NALF1: variants seen among roughly 807,000 people sequenced by gnomAD.
NALF1 encodes the protein family with sequence similarity 155 member A.
In NALF1, 3 loss-of-function variants were observed where a neutral mutation model predicts 48.4. The observed-to-expected ratio is 0.06, with a 90% CI of 0.03 to 0.16. The LOEUF (loss-of-function observed/expected upper bound fraction) is 0.16, where lower values mean the gene tolerates loss of function less well. Among genes scored for constraint, NALF1 ranks in the 10% least tolerant of loss-of-function variants. The pLI, the probability that NALF1 is intolerant of heterozygous loss-of-function variation, is 1.00. For synonymous variants in NALF1, 262 were observed against 245.7 expected, an observed-to-expected ratio of 1.07 and a Z score of -0.62; for missense variants, 526 against 571.5, an observed-to-expected ratio of 0.92 and a Z score of 0.81.
At chr13:107,740,185 T>C (rs986257172) in intron 1 of NALF1, among the ~76,000 whole-genome samples, 3 of 152,208 alleles carry the variant, frequency 2.0e-5, no homozygotes, top group African/African-American at 7.2e-5. Context: ...AATATATACA[T>C]TGCACAATTT....
At chr13:107,258,924 ATG>A (rs1176126644) in intron 1 of NALF1, among the ~76,000 whole-genome samples, 1 of 152,160 alleles carries the variant, frequency 6.6e-6, no homozygotes, top group African/African-American at 2.4e-5. Context: ...ATGAAACAGG[ATG>A]TGTGGCTCCC....
chr13:107,533,166 C>G (rs1223476337), intron 1 of NALF1, among the ~76,000 whole-genome samples: 1 of 151,986 alleles, frequency 6.6e-6, no homozygotes, highest in African/African-American at 2.4e-5. Flanking sequence ...TTGCCCCTTT[C>G]TTTTTTCTCT....
At chr13:107,533,991 G>A (rs1386701514) in intron 1 of NALF1, among the ~76,000 whole-genome samples, 2 of 152,066 alleles carry the variant, frequency 1.3e-5, no homozygotes, top group Admixed American at 6.6e-5. Context: ...ATCCTGCAAA[G>A]AGGAAAATTA....
rs1404646777 is a variant in NALF1, at chr13:107,163,760, T to C, written c.*6737A>G. Reference sequence around the variant, plus strand: ...GAGTTTATACAGTCCTTCCTACTTTTAATATGCCACACAACATCAACAAAT... The same window carrying C: ...GAGTTTATACAGTCCTTCCTACTTTCAATATGCCACACAACATCAACAAAT... On this transcript the variant is annotated 3_prime_UTR_variant, in exon 3 of 3. Coordinates refer to ENST00000375915, the MANE Select transcript of NALF1 (RefSeq NM_001080396.3). 2 of 152,168 alleles carry C rather than the reference T, an allele frequency of 1.3e-5. No individual in the cohort carries two copies. The highest frequency in any genetic ancestry group is 2.9e-5 in the Non-Finnish European group (2 of 68,034). 9.4% of individuals were successfully genotyped at this position (152,168 alleles called of 1,614,324 possible).
rs1878758990 is a variant in NALF1, at chr13:107,169,905, G to A, written c.*592C>T. On this transcript the variant is annotated 3_prime_UTR_variant, in exon 3 of 3. Coordinates refer to ENST00000375915, the MANE Select transcript of NALF1 (RefSeq NM_001080396.3). Reference sequence around the variant, plus strand: ...GCGAGGGAAAGGAAAGGCCGGGAAGGGTGTTGTTGGTTCTGTGGGTAGAAG... The same window carrying A: ...GCGAGGGAAAGGAAAGGCCGGGAAGAGTGTTGTTGGTTCTGTGGGTAGAAG... 1 of 152,612 alleles carries A rather than the reference G, an allele frequency of 6.6e-6. No individual in the cohort carries two copies. Among genetic ancestry groups the A allele is most frequent in the Non-Finnish European group, 1.5e-5 (1 of 68,092 alleles). 9.5% of individuals were successfully genotyped at this position (152,612 alleles called of 1,614,324 possible). A position where few individuals can be genotyped will look rare whatever the true frequency, so the allele number is the denominator to read the frequency against.
chr13:107,398,937 A>C (rs1342143505), intron 1 of NALF1, among the ~76,000 whole-genome samples: 2 of 152,298 alleles, frequency 1.3e-5, no homozygotes, highest in African/African-American at 4.8e-5. Flanking sequence ...AAAGATTATA[A>C]GGAGCTTCCG....
intron 1 of NALF1, among the ~76,000 whole-genome samples, chr13:107,513,589 TA>T (rs141077862): frequency 0.048 from 7,265 of 152,108 alleles, 256 homozygotes; most frequent in Non-Finnish European, 0.069. Flanking sequence ...GTAAACGTAA[TA>T]ATAGAAAGCA....
chr13:107,363,871 G>T (rs752039791), intron 1 of NALF1, among the ~76,000 whole-genome samples: 4 of 152,150 alleles, frequency 2.6e-5, no homozygotes, highest in Admixed American at 1.3e-4. Context: ...ACCTTCTCAA[G>T]AAATGGCAAG....
intron 1 of NALF1, among the ~76,000 whole-genome samples, chr13:107,743,464 G>C (rs1876695990): frequency 6.6e-6 from 1 of 152,168 alleles, no homozygotes; most frequent in African/African-American, 2.4e-5. Flanking sequence ...GTAATAAAGG[G>C]AATAAGAATG....
At chr13:107,320,032 T>C (rs1232678301) in intron 1 of NALF1, among the ~76,000 whole-genome samples, 1 of 152,132 alleles carries the variant, frequency 6.6e-6, no homozygotes, top group Non-Finnish European at 1.5e-5. Flanking sequence ...GCACCAGTTA[T>C]AAACTTCAAG....
At chr13:107,385,467 C>A (rs547422524) in intron 1 of NALF1, among the ~76,000 whole-genome samples, 2 of 148,486 alleles carry the variant, frequency 1.3e-5, no homozygotes, top group South Asian at 4.3e-4. Context: ...GCAGGAGAAT[C>A]ACTTGAACCC....
intron 1 of NALF1, among the ~76,000 whole-genome samples, chr13:107,496,101 G>A (rs1875325390): frequency 6.6e-6 from 1 of 152,002 alleles, no homozygotes; most frequent in African/African-American, 2.4e-5. Flanking sequence ...AAGCTAAACT[G>A]TTCTTTCTCA....
intron 1 of NALF1, among the ~76,000 whole-genome samples, chr13:107,273,767 T>C (rs1450007560): frequency 6.6e-6 from 1 of 152,188 alleles, no homozygotes; most frequent in Admixed American, 6.5e-5. Context: ...CTGGTATCCA[T>C]AGAACAGAAC....
At chr13:107,518,040 C>T (rs1167070552) in intron 1 of NALF1, among the ~76,000 whole-genome samples, 1 of 152,066 alleles carries the variant, frequency 6.6e-6, no homozygotes, top group African/African-American at 2.4e-5. Flanking sequence ...CCCATGAGTC[C>T]TGCACAGAAT....
chr13:107,203,423 G>A (rs1420780548), intron 2 of NALF1, among the ~76,000 whole-genome samples: 19 of 152,196 alleles, frequency 1.2e-4, no homozygotes, highest in African/African-American at 9.6e-5. Context: ...CAGTGCAGGC[G>A]CTGGCACTGC....
intron 1 of NALF1, among the ~76,000 whole-genome samples, chr13:107,677,850 A>G (rs1472072594): frequency 6.6e-6 from 1 of 152,246 alleles, no homozygotes; most frequent in Non-Finnish European, 1.5e-5. Context: ...AAAACAAAAT[A>G]GTAGAGACCT....
intron 1 of NALF1, among the ~76,000 whole-genome samples, chr13:107,733,181 T>C (rs1876363694): frequency 6.6e-6 from 1 of 152,218 alleles, no homozygotes; most frequent in Non-Finnish European, 1.5e-5. Context: ...AATCCATTAT[T>C]AACATTTTAG....
At chr13:107,356,995 T>C (rs1882974146) in intron 1 of NALF1, among the ~76,000 whole-genome samples, 1 of 152,288 alleles carries the variant, frequency 6.6e-6, no homozygotes, top group Non-Finnish European at 1.5e-5. Context: ...GAATAGATAG[T>C]GGCCTGGTCA....
At chr13:107,479,271 G>C (rs1300660484) in intron 1 of NALF1, among the ~76,000 whole-genome samples, 1 of 152,126 alleles carries the variant, frequency 6.6e-6, no homozygotes, top group Non-Finnish European at 1.5e-5. Flanking sequence ...AGAGCTATCA[G>C]GGTCTGACTT....
Sources: allele counts gnomAD v4.1 joint callset (sites outside exome capture counted in the v4.1 genomes callset), GRCh38; gene constraint gnomAD v4.1.1; transcripts MANE v1.5; gene names NCBI Gene and HGNC (gene_info 2026-07-23, HGNC 2026-07-21).